MAP4K3: variants seen among roughly 807,000 people sequenced by gnomAD.
MAP4K3 encodes MAPK/ERK kinase kinase kinase 3.
A neutral mutation model predicts 143.5 loss-of-function variants in MAP4K3; 94 were observed. The ratio of observed to expected loss-of-function variants is 0.65; its 90% CI spans 0.55 to 0.78. The LOEUF (loss-of-function observed/expected upper bound fraction) is 0.78, where lower values mean the gene tolerates loss of function less well. Among genes scored for constraint, MAP4K3 ranks in the 30% least tolerant of loss-of-function variants. The pLI, the probability that MAP4K3 is intolerant of heterozygous loss-of-function variation, is 0.00. For synonymous variants in MAP4K3, 416 were observed against 347.2 expected, an observed-to-expected ratio of 1.20 and a Z score of -2.20; for missense variants, 1,077 against 1,068.1, an observed-to-expected ratio of 1.01 and a Z score of -0.12.
At chr2:39,429,704 T>C (rs1665224729) in intron 1 of MAP4K3, among the ~76,000 whole-genome samples, 1 of 152,200 alleles carries the variant, frequency 6.6e-6, no homozygotes, top group South Asian at 2.1e-4. Flanking sequence ...ATATTTAACT[T>C]GAAAAGCTGA....
At chr2:39,374,459 A>C (rs954613817) in intron 2 of MAP4K3, among the ~76,000 whole-genome samples, 1 of 152,078 alleles carries the variant, frequency 6.6e-6, no homozygotes, top group African/African-American at 2.4e-5. Flanking sequence ...AGGCGGGTGG[A>C]TCACCTGAGG....
At chr2:39,347,067 A>T (rs1665313296) in intron 3 of MAP4K3, among the ~76,000 whole-genome samples, 1 of 152,138 alleles carries the variant, frequency 6.6e-6, no homozygotes, top group African/African-American at 2.4e-5. Flanking sequence ...AATAACACTA[A>T]GAAATTATCT....
chr2:39,417,612 A>G (rs947889581), intron 1 of MAP4K3, among the ~76,000 whole-genome samples: 6 of 152,236 alleles, frequency 3.9e-5, no homozygotes, highest in East Asian at 1.9e-4. Flanking sequence ...AGATCAAGAG[A>G]TATCAGTTTA....
Position 39,434,592 on chromosome 2 carries a change from A to C in MAP4K3, c.96+2300T>G, listed in dbSNP as rs546603273. 2.0e-5 allele frequency among the ~76,000 whole-genome samples: 3 copies of C among 152,316 alleles called. No individual in the cohort carries two copies. In the South Asian group the frequency reaches 6.2e-4, roughly 32 times the overall value. On this transcript the variant is annotated intron_variant, in intron 1 of 33. Transcript: ENST00000263881. ...AAATGCTAAACTAAATGTGTGCCTC[A>C]GTTTCTCCACTGGAAATGTAATACA...
chr2:39,427,426 T>A (rs111883977), intron 1 of MAP4K3, among the ~76,000 whole-genome samples: 2 of 151,822 alleles, frequency 1.3e-5, no homozygotes, highest in East Asian at 3.9e-4. Flanking sequence ...AGCAAAGAAA[T>A]TGAAAACTCC....
intron 21 of MAP4K3, among the ~76,000 whole-genome samples, chr2:39,286,182 A>C (rs1681769150): frequency 6.6e-6 from 1 of 152,244 alleles, no homozygotes; most frequent in African/African-American, 2.4e-5. Flanking sequence ...CACCTCAGAT[A>C]ATCAGGCATT....
intron 9 of MAP4K3, 70 bp downstream of exon 9, chr2:39,326,076 C>G (rs1683480583): frequency 6.4e-7 from 1 of 1,557,316 alleles, no homozygotes; most frequent in Non-Finnish European, 8.7e-7. Flanking sequence ...AAGAAAATTA[C>G]TTGTTCATGA....
intron 1 of MAP4K3, among the ~76,000 whole-genome samples, chr2:39,415,820 G>A (rs899275218): frequency 6.7e-6 from 1 of 150,202 alleles, no homozygotes; most frequent in Non-Finnish European, 1.5e-5. Context: ...AGGCATGGTG[G>A]TGGGAGCCTG....
chr2:39,304,118 ATTCT>A (rs894236957), intron 15 of MAP4K3, among the ~76,000 whole-genome samples: 3 of 149,946 alleles, frequency 2.0e-5, no homozygotes, highest in African/African-American at 7.4e-5. Context: ...ATCAAGCCCT[ATTCT>A]TCTGGCTTCA....
rs185367346 is a variant in MAP4K3 at position 39,260,646 on chromosome 2, C to A, written c.2268G>T (p.Thr756=). The A allele has an allele frequency of 1.9e-6, 3 of 1,613,928 alleles. No individual in the cohort carries two copies. Among genetic ancestry groups the A allele is most frequent in the Admixed American group, 1.7e-5 (1 of 60,012 alleles). The change falls in exon 29 of 34, where the codon ACG becomes ACT. Residue 756 remains threonine, a synonymous_variant. Transcript: ENST00000263881. ...ATGAAGAGGTAGAATTTGGATTGACCGTCTCAAATCGAACCACTTGGTTGA... is the reference window on the plus strand; with the variant it reads ...ATGAAGAGGTAGAATTTGGATTGACAGTCTCAAATCGAACCACTTGGTTGA... ...RDFNQVVRFE[T]VNPNSTSSWF...
At chr2:39,304,719 G>T (rs562770519) in intron 15 of MAP4K3, among the ~76,000 whole-genome samples, 4 of 152,272 alleles carry the variant, frequency 2.6e-5, no homozygotes, top group South Asian at 4.1e-4. Flanking sequence ...CATATCAAAA[G>T]AATCGAAAGC....
Position 39,437,021 on chromosome 2 carries a change from G to A in MAP4K3, c.-34C>T, listed in dbSNP as rs780285616. ...CCAGGTGCCCCCCGCCTCCCTCCCGGGCAGGGGAGGGGGGCCGCTCAGGGG... is the reference window on the plus strand; with the variant it reads ...CCAGGTGCCCCCCGCCTCCCTCCCGAGCAGGGGAGGGGGGCCGCTCAGGGG... On this transcript the variant is annotated 5_prime_UTR_variant, in exon 1 of 34. Transcript: ENST00000263881. 7.0e-6 allele frequency: 11 copies of A among 1,562,658 alleles called. No individual in the cohort carries two copies. The South Asian group carries it at 1.2e-4, about 18-fold the overall frequency.
In MAP4K3 at chr2:39,436,926, C is replaced by A; in HGVS notation, c.62G>T (p.Arg21Leu). The stretch of plus-strand genomic sequence containing the variant: ...GTCGCCGTAGGTGCCGCTGCCGATG[C>A]GCTGAATCAGCTCGAAGTCCTCCTG... ...NPQEDFELIQ[R>L]IGSGTYGDVY... The change falls in exon 1 of 34, where the codon CGC becomes CTC. Residue 21 changes from arginine to leucine, a missense_variant. By Grantham distance (102) the Arg-to-Leu change is moderately radical. Coordinates refer to ENST00000263881, the MANE Select transcript of MAP4K3 (RefSeq NM_003618.4). The A allele has an allele frequency of 1.2e-6, 2 of 1,612,628 alleles. No homozygotes were observed. The highest frequency in any genetic ancestry group is 1.7e-6 in the Non-Finnish European group (2 of 1,179,406).
intron 27 of MAP4K3, 137 bp downstream of exon 27, chr2:39,267,052 G>GAAAT: frequency 1.3e-5 from 10 of 748,460 alleles, no homozygotes; most frequent in Non-Finnish European, 2.1e-5. Context: ...ACACAGAGAT[G>GAAAT]AAACAGCCAA....
intron 1 of MAP4K3, among the ~76,000 whole-genome samples, chr2:39,397,498 A>G (rs552543531): frequency 1.8e-3 from 269 of 152,328 alleles, no homozygotes; most frequent in African/African-American, 6.1e-3. Context: ...AGAAAGTTAT[A>G]ATCATATTCT....
At chr2:39,382,385 T>C (rs1666376833) in intron 1 of MAP4K3, among the ~76,000 whole-genome samples, 1 of 152,232 alleles carries the variant, frequency 6.6e-6, no homozygotes, top group African/African-American at 2.4e-5. Flanking sequence ...ATGTCCGATG[T>C]GAATATGAAT....
rs1680119981 is a variant in MAP4K3 at position 39,250,685 on chromosome 2, C to T, written c.2618G>A (p.Arg873Lys). 4.3e-6 allele frequency: 7 copies of T among 1,613,618 alleles called. No individual in the cohort carries two copies. Among genetic ancestry groups the T allele is most frequent in the Non-Finnish European group, 4.2e-6 (5 of 1,179,680 alleles). Residue 873 changes from arginine to lysine, a missense_variant, in exon 34 of 34, where the codon AGG becomes AAG. Physicochemically the swap from Arg to Lys is conservative, Grantham distance 26. Around this residue, in one of 2 missense-constraint regions of MAP4K3, gnomAD observed 864 missense variants for 801.2 expected, o/e 1.08. Transcript: ENST00000263881. ...GSDRVVVLES[R>K]PTDNPTANSN... is the part of the protein sequence containing the mutation. ...ATTTGCTGTGGGGTTATCAGTTGGC[C>T]TACTTTCCAAAACCACGACCCTGAA...
intron 32 of MAP4K3, 62 bp from the exon 33 acceptor site, chr2:39,251,947 C>T: frequency 9.6e-7 from 1 of 1,042,186 alleles, no homozygotes; most frequent in Non-Finnish European, 1.5e-6. Context: ...TTAATGGGCA[C>T]TTCATTATAA....
chr2:39,336,817 A>G, intron 6 of MAP4K3, 103 bp downstream of exon 6: 2 of 473,810 alleles, frequency 4.2e-6, no homozygotes, highest in Admixed American at 4.4e-5. Flanking sequence ...TTATGGTAAC[A>G]TTTCAGATGC....
Sources: allele counts gnomAD v4.1 joint callset (sites outside exome capture counted in the v4.1 genomes callset), GRCh38; gene constraint gnomAD v4.1.1; regional missense constraint gnomAD v4.1.1; transcripts MANE v1.5; gene names NCBI Gene and HGNC (gene_info 2026-07-23, HGNC 2026-07-21).